ZNF493: variants seen among roughly 807,000 people sequenced by gnomAD.
ZNF493 encodes the protein zinc finger protein 493.
ZNF493 carries 11 observed loss-of-function variants against 12.2 expected under a neutral mutation model. The observed-to-expected ratio is 0.90, with a 90% confidence interval of 0.57 to 1.50. The LOEUF (loss-of-function observed/expected upper bound fraction) is 1.50. Among genes scored for constraint, ZNF493 ranks in the 40% most tolerant of loss-of-function variants. ZNF493 has a pLI of 0.00. For missense variants in ZNF493, 950 were observed against 906.6 expected (o/e 1.05, Z -0.61); for synonymous variants, 286 against 302.6 (o/e 0.95, Z 0.57).
chr19:21,410,869 G>A lies in ZNF493; in HGVS notation c.253+5013G>A, dbSNP rs1038431052. ...GTGCAATGGGATGATGTTGGGTCACGGCAACTTCTGTCTTCCAAGTTCAAG... is the reference window on the plus strand; with the variant it reads ...GTGCAATGGGATGATGTTGGGTCACAGCAACTTCTGTCTTCCAAGTTCAAG... On this transcript the variant is annotated intron_variant, in intron 3 of 3. Transcript: ENST00000392288. Among the ~76,000 whole-genome samples, 36 of 151,750 alleles carry A rather than the reference G, an allele frequency of 2.4e-4. 1 individual carries two copies. Among genetic ancestry groups the A allele is most frequent in the East Asian group, 2.1e-3 (11 of 5,154 alleles).
At chr19:21,418,515 C>T (rs1599377934) in intron 3 of ZNF493, among the ~76,000 whole-genome samples, 1 of 152,266 alleles carries the variant, frequency 6.6e-6, no homozygotes, top group East Asian at 1.9e-4. Flanking sequence ...ATTCGAGCCC[C>T]CATGATGGAC....
Position 21,422,224 on chromosome 19 carries a change from C to T in ZNF493, c.254-689C>T, listed in dbSNP as rs114987508. Among the ~76,000 whole-genome samples, 743 of 152,202 alleles carry T rather than the reference C, an allele frequency of 4.9e-3. 8 individuals are homozygous for T. Among genetic ancestry groups the T allele is most frequent in the African/African-American group, 0.018 (729 of 41,546 alleles). On this transcript the variant is annotated intron_variant, in intron 3 of 3. Transcript: ENST00000392288. Reference sequence around the variant, plus strand: ...CTGTGGCACTGCAGTCTCTCTACTGCTGTAACATTTACCTTTGGTCTCAGC... The same window carrying T: ...CTGTGGCACTGCAGTCTCTCTACTGTTGTAACATTTACCTTTGGTCTCAGC...
chr19:21,421,203 GT>G (rs143441996), intron 3 of ZNF493, among the ~76,000 whole-genome samples: 2 of 151,076 alleles, frequency 1.3e-5, no homozygotes, highest in Non-Finnish European at 3.0e-5. Flanking sequence ...ATTTTTCAGG[GT>G]TTTTTTATAT....
chr19:21,426,946 A>G lies in ZNF493; in HGVS notation c.*1962A>G, dbSNP rs538320238. On this transcript the variant is annotated 3_prime_UTR_variant, in exon 4 of 4. Transcript: ENST00000392288. ...GTAGAATAATAACTATATTCGGATTATACTTTGTTTCTTGAAAAAATTACA... is the reference window on the plus strand; with the variant it reads ...GTAGAATAATAACTATATTCGGATTGTACTTTGTTTCTTGAAAAAATTACA... 1.3e-4 allele frequency: 21 copies of G among 160,492 alleles called. No homozygotes were observed. The East Asian group carries it at 4.1e-3, about 31-fold the overall frequency. 9.9% of individuals were successfully genotyped at this position (160,492 alleles called of 1,614,324 possible). A position where few individuals can be genotyped will look rare whatever the true frequency, so the allele number is the denominator to read the frequency against.
chr19:21,412,643 A>G lies in ZNF493; in HGVS notation c.253+6787A>G, dbSNP rs369080636. The G allele has an allele frequency of 6.1e-4, 116 of 191,448 alleles. 1 individual carries two copies. The South Asian group carries it at 7.5e-3, about 12-fold the overall frequency. 11.9% of individuals were successfully genotyped at this position (191,448 alleles called of 1,614,324 possible). A position where few individuals can be genotyped will look rare whatever the true frequency, so the allele number is the denominator to read the frequency against. On this transcript the variant is annotated intron_variant, in intron 3 of 3. Transcript: ENST00000392288. ...ACTATCAGCACAGATTAAAAGCACA[A>G]TCATCTTTGAAATCACAGAACTTCC...
intron 3 of ZNF493, chr19:21,414,244 C>T (rs1385884604): frequency 6.6e-6 from 1 of 152,244 alleles, no homozygotes; most frequent in East Asian, 1.9e-4. Flanking sequence ...ACATGTGTGA[C>T]ATCCATTTGC....
chr19:21,416,699 C>A lies in ZNF493; in HGVS notation c.254-6214C>A, dbSNP rs1017206488. 5.3e-5 allele frequency among the ~76,000 whole-genome samples: 8 copies of A among 152,292 alleles called. No individual in the cohort carries two copies. The East Asian group carries it at 1.5e-3, about 29-fold the overall frequency. ...CCAAATCCTCCTGTTCGTTTAATTT[C>A]ACTTTTTCCCATTCCCACTTATGGC... On this transcript the variant is annotated intron_variant, in intron 3 of 3. Transcript: ENST00000392288.
In ZNF493 at chr19:21,397,368, C is replaced by T. The variant is rs968718480; in HGVS notation, c.30+101C>T. 4 of 1,374,448 alleles carry T rather than the reference C, an allele frequency of 2.9e-6. No individual in the cohort carries two copies. In the Admixed American group the frequency reaches 5.0e-5, roughly 17 times the overall value. 85.1% of individuals were successfully genotyped at this position (1,374,448 alleles called of 1,614,324 possible). On this transcript the variant is annotated intron_variant, in intron 1 of 3. Transcript: ENST00000392288. The stretch of plus-strand genomic sequence containing the variant: ...ACTCAGGCCTCCCCGCAGTCAGCTC[C>T]ACAATCTGCTCCCTGAGTTCTCCTT...
At chr19:21,412,027 G>A (rs780640439) in intron 3 of ZNF493, 27 of 151,788 alleles carry the variant, frequency 1.8e-4, no homozygotes, top group Non-Finnish European at 2.9e-4. Context: ...TTATACTGCC[G>A]AGACCAGCTC....
At position 21,423,124 on chromosome 19, in the gene ZNF493, A is replaced by G. The variant is rs999617926; in HGVS notation, c.465A>G (p.Gln155=). ...CAACTACCCAGAGCAAAATATTTCAATGTGATAAATATGTGAAAGTCTTTC... is the reference window on the plus strand; with the variant it reads ...CAACTACCCAGAGCAAAATATTTCAGTGTGATAAATATGTGAAAGTCTTTC... ...YLTTTQSKIF[Q]CDKYVKVFHK... The change falls in exon 4 of 4, where the codon CAA becomes CAG. Residue 155 remains glutamine (Q), a synonymous_variant. Transcript: ENST00000392288. 1 of 1,613,534 alleles carries G rather than the reference A, an allele frequency of 6.2e-7. No homozygotes were observed. The highest frequency in any genetic ancestry group is 8.5e-7 in the Non-Finnish European group (1 of 1,179,748).
rs3080724 is a variant in ZNF493, at chr19:21,410,779, TTTTTTG to T, written c.253+4947_253+4952del. Among the ~76,000 whole-genome samples the T allele has an allele frequency of 3.0e-4, 46 of 152,074 alleles. No individual in the cohort carries two copies. In the South Asian group the frequency reaches 5.6e-3, roughly 19 times the overall value. On this transcript the variant is annotated intron_variant, in intron 3 of 3. Coordinates refer to ENST00000392288, the MANE Select transcript of ZNF493 (RefSeq NM_001076678.3). ...ATTTATTACTTTTTCATGTCTAAGTTTTTTTGTTTTTGTTTTTGTTTTTGTTTTTTG... is the reference window on the plus strand; with the variant it reads ...ATTTATTACTTTTTCATGTCTAAGTTTTTTTGTTTTTGTTTTTGTTTTTTG...
chr19:21,415,838 G>A (rs1039356322), intron 3 of ZNF493, among the ~76,000 whole-genome samples: 23 of 152,266 alleles, frequency 1.5e-4, no homozygotes, highest in African/African-American at 5.3e-4. Flanking sequence ...TAAAGAAACA[G>A]TCTTTTAAAT....
intron 3 of ZNF493, among the ~76,000 whole-genome samples, chr19:21,419,629 G>T (rs2030595123): frequency 6.6e-6 from 1 of 152,146 alleles, no homozygotes; most frequent in Non-Finnish European, 1.5e-5. Context: ...TGCCCACCCA[G>T]ATTAAGGGTG....
At chr19:21,420,005 C>G (rs2030608382) in intron 3 of ZNF493, among the ~76,000 whole-genome samples, 2 of 152,284 alleles carry the variant, frequency 1.3e-5, no homozygotes, top group South Asian at 4.1e-4. Flanking sequence ...CAAGGTTTTA[C>G]CCTCAGGAAT....
chr19:21,420,624 T>TATATATATATAAATA, intron 3 of ZNF493, among the ~76,000 whole-genome samples: 1 of 17,116 alleles, frequency 5.8e-5, no homozygotes, highest in Non-Finnish European at 1.0e-4. Flanking sequence ...TATATATATA[T>TATATATATATAAATA]TTTTTTTTTT....
rs1974208901 is a variant in ZNF493 at position 21,398,483 on chromosome 19, A to G, written c.30+1216A>G. The G allele has an allele frequency of 2.7e-5, 7 of 257,332 alleles. No individual in the cohort carries two copies. The South Asian group carries it at 2.8e-4, about 10-fold the overall frequency. The allele number at this position is 257,332 out of a possible 1,614,324, so 15.9% of individuals were successfully genotyped here. ...AAAATCTATGGGGTGATGTGTCCTC[A>G]GCCACCCTTTGGTTTTTTCCTGGTC... On this transcript the variant is annotated intron_variant, in intron 1 of 3. Transcript: ENST00000392288.
intron 3 of ZNF493, among the ~76,000 whole-genome samples, chr19:21,410,117 T>C (rs1455123073): frequency 6.7e-6 from 1 of 149,670 alleles, no homozygotes; most frequent in Non-Finnish European, 1.5e-5. Flanking sequence ...TGTTTATAAA[T>C]CAAGAGACAT....
At chr19:21,416,957 C>T (rs989855252) in intron 3 of ZNF493, among the ~76,000 whole-genome samples, 1 of 152,190 alleles carries the variant, frequency 6.6e-6, no homozygotes, top group African/African-American at 2.4e-5. Flanking sequence ...GCAGAAGGCT[C>T]ACAGGTTTTG....
Position 21,425,089 on chromosome 19 carries a change from G to T in ZNF493, c.*105G>T. ...AATACACATAAGATAATTAATGCTG[G>T]AGAGAAACCCTACAAATGTGAAGAA... On this transcript the variant is annotated 3_prime_UTR_variant, in exon 4 of 4. Transcript: ENST00000392288. 8.0e-7 allele frequency: 1 copy of T among 1,247,838 alleles called. No homozygotes were observed. Among genetic ancestry groups the T allele is most frequent in the East Asian group, 2.4e-5 (1 of 41,672 alleles). The allele number at this position is 1,247,838 out of a possible 1,614,324, so 77.3% of individuals were successfully genotyped here.
Sources: allele counts gnomAD v4.1 joint callset (sites outside exome capture counted in the v4.1 genomes callset), GRCh38; gene constraint gnomAD v4.1.1; transcripts MANE v1.5; gene names NCBI Gene and HGNC (gene_info 2026-07-23, HGNC 2026-07-21).